The following SLC30A7 variants were observed in gnomAD, a reference collection of about 807,000 sequenced individuals.
SLC30A7 encodes the protein zinc transporter 7.
In SLC30A7, 35 loss-of-function variants were observed where a neutral mutation model predicts 46.0. The observed-to-expected ratio is 0.76, with a 90% CI of 0.58 to 1.01. SLC30A7 has a LOEUF of 1.01. Ranked by LOEUF, SLC30A7 falls within the 50% of genes least tolerant of loss-of-function variation. The pLI is 0.00. For missense variants in SLC30A7, 464 were observed against 451.1 expected (o/e 1.03, Z -0.26); for synonymous variants, 147 against 157.8 (o/e 0.93, Z 0.51).
chr1:100,962,393 C>G (rs1655595779), intron 9 of SLC30A7, among the ~76,000 whole-genome samples: 1 of 152,160 alleles, frequency 6.6e-6, no homozygotes, highest in African/African-American at 2.4e-5. Context: ...TCATGGATGG[C>G]TACCTTAGAT....
At chr1:100,918,525 A>G (rs536087439) in intron 7 of SLC30A7, among the ~76,000 whole-genome samples, 1 of 152,254 alleles carries the variant, frequency 6.6e-6, no homozygotes, top group Non-Finnish European at 1.5e-5. Context: ...GACTATAAAC[A>G]TTGTATAGAT....
At chr1:100,935,778 G>T (rs902011728) in intron 8 of SLC30A7, among the ~76,000 whole-genome samples, 1 of 152,132 alleles carries the variant, frequency 6.6e-6, no homozygotes. Context: ...GTTTGACAAA[G>T]GTTTCTTGGG....
At chr1:100,985,179 T>C (rs1657196869), downstream of SLC30A7, among the ~76,000 whole-genome samples, 2 of 152,292 alleles carry the variant, frequency 1.3e-5, no homozygotes, top group East Asian at 3.9e-4. Flanking sequence ...CGGGAACCTG[T>C]TGGACAGTAA....
In SLC30A7 at chr1:100,915,192, CT is replaced by C. The variant is rs1288846952; in HGVS notation, c.655+1390del. The stretch of plus-strand genomic sequence containing the variant: ...TTTTCTTTTTTCTTTTCTTTTCTTT[CT>C]TTTCTTTCTTTCTTTCTTTCTTTCT... On this transcript the variant is annotated intron_variant, in intron 6 of 10. Coordinates refer to ENST00000357650, the MANE Select transcript of SLC30A7 (RefSeq NM_133496.5). Among the ~76,000 whole-genome samples the C allele has an allele frequency of 2.6e-4, 28 of 107,130 alleles. No individual in the cohort carries two copies. In the South Asian group the frequency reaches 6.7e-3, roughly 26 times the overall value. The allele number at this position is 107,130 out of a possible 152,430, so 70.3% of individuals were successfully genotyped here.
In SLC30A7 at chr1:100,900,175, G is replaced by A. The variant is rs115898190; in HGVS notation, c.182+3504G>A. Among the ~76,000 whole-genome samples the A allele has an allele frequency of 6.5e-3, 990 of 152,238 alleles. 17 individuals are homozygous for A. Among genetic ancestry groups the A allele is most frequent in the African/African-American group, 0.021 (861 of 41,542 alleles). On this transcript the variant is annotated intron_variant, in intron 2 of 10. Coordinates refer to ENST00000357650, the MANE Select transcript of SLC30A7 (RefSeq NM_133496.5). ...TGGTTTTTTCTAGTATCTCAATATA[G>A]TTTCTGTGTTTTTATGTTCTTACAT...
Position 100,911,207 on chromosome 1 carries a change from T to C in SLC30A7, c.384+57T>C, listed in dbSNP as rs1553235943. On this transcript the variant is annotated intron_variant, in intron 4 of 10. Transcript: ENST00000357650. ...TACATTTCTGTAATGAAAATGTTTA[T>C]TAATTAAAGATATATGTAAGTTTTT... 9 of 1,214,422 alleles carry C rather than the reference T, an allele frequency of 7.4e-6. No homozygotes were observed. The South Asian group carries it at 1.1e-4, about 15-fold the overall frequency. 75.2% of individuals were successfully genotyped at this position (1,214,422 alleles called of 1,614,324 possible).
chr1:100,940,731 CA>C, intron 8 of SLC30A7, among the ~76,000 whole-genome samples: 1 of 152,122 alleles, frequency 6.6e-6, no homozygotes, highest in Non-Finnish European at 1.5e-5. Flanking sequence ...AGCATGGATG[CA>C]AAAAATAAAA....
At chr1:100,934,586 TA>T (rs1214403502) in intron 8 of SLC30A7, among the ~76,000 whole-genome samples, 1 of 151,760 alleles carries the variant, frequency 6.6e-6, no homozygotes, top group Non-Finnish European at 1.5e-5. Flanking sequence ...AGAAACTATT[TA>T]AACTATCTCT....
At chr1:100,926,369 T>C (rs1461766270) in intron 8 of SLC30A7, among the ~76,000 whole-genome samples, 11 of 152,108 alleles carry the variant, frequency 7.2e-5, no homozygotes, top group Admixed American at 7.2e-4. Flanking sequence ...GCTTAGCTCC[T>C]GGGGAGGCCT....
rs1460680080 is a variant in SLC30A7 at position 100,979,399 on chromosome 1, T to A, written c.*4542T>A. The A allele has an allele frequency of 1.7e-5, 2 of 119,370 alleles. No homozygotes were observed. The highest frequency in any genetic ancestry group is 3.3e-5 in the Non-Finnish European group (2 of 61,290). 7.4% of individuals were successfully genotyped at this position (119,370 alleles called of 1,614,324 possible). A position where few individuals can be genotyped will look rare whatever the true frequency, so the allele number is the denominator to read the frequency against. On this transcript the variant is annotated 3_prime_UTR_variant, in exon 11 of 11. Coordinates refer to ENST00000357650, the MANE Select transcript of SLC30A7 (RefSeq NM_133496.5). ...AGTGACCCAGATCTCAACCAGAGAC[T>A]CAAGATAGCCTCAAATACAGTGAAA...
intron 8 of SLC30A7, among the ~76,000 whole-genome samples, chr1:100,925,446 A>C (rs1270034092): frequency 6.6e-6 from 1 of 152,252 alleles, no homozygotes; most frequent in Non-Finnish European, 1.5e-5. Context: ...GAGAACAGGC[A>C]GACCAGCTAG....
intron 10 of SLC30A7, among the ~76,000 whole-genome samples, chr1:100,971,488 C>T (rs1035828606): frequency 6.6e-6 from 1 of 152,046 alleles, no homozygotes; most frequent in Non-Finnish European, 1.5e-5. Context: ...GGTTGTGAGG[C>T]CAACAGATCC....
rs202081533 is a variant in SLC30A7, at chr1:100,896,557, G to T, written c.81-13G>T. Reference sequence around the variant, plus strand: ...TAACTCTCCCGGCTCTTTTCCACGTGTATCATTCCCAGGTCTATACTGTCC... The same window carrying T: ...TAACTCTCCCGGCTCTTTTCCACGTTTATCATTCCCAGGTCTATACTGTCC... On this transcript the variant is annotated splice_polypyrimidine_tract_variant and intron_variant, in intron 1 of 10. Coordinates refer to ENST00000357650, the MANE Select transcript of SLC30A7 (RefSeq NM_133496.5). The T allele has an allele frequency of 1.2e-6, 2 of 1,611,434 alleles. No homozygotes were observed. Among genetic ancestry groups the T allele is most frequent in the Admixed American group, 1.7e-5 (1 of 59,994 alleles).
chr1:100,940,365 C>T (rs1258840823), intron 8 of SLC30A7, among the ~76,000 whole-genome samples: 1 of 152,094 alleles, frequency 6.6e-6, no homozygotes, highest in African/African-American at 2.4e-5. Flanking sequence ...TAAGGGGTAG[C>T]TGTGGCTCAA....
At chr1:100,992,718 G>A in the SLC30A7 span, 4 of 1,613,096 alleles carry the variant, frequency 2.5e-6, no homozygotes, top group African/African-American at 1.3e-5. Context: ...ATATACCGTG[G>A]AGGTTCATAG....
intron 7 of SLC30A7, among the ~76,000 whole-genome samples, chr1:100,920,316 T>C (rs1202809192): frequency 1.3e-5 from 2 of 152,010 alleles, no homozygotes; most frequent in African/African-American, 4.8e-5. Context: ...GTATTTTTTT[T>C]CCAGTTGTAG....
At chr1:100,919,892 A>G (rs1652833090) in intron 7 of SLC30A7, among the ~76,000 whole-genome samples, 2 of 152,108 alleles carry the variant, frequency 1.3e-5, no homozygotes, top group Non-Finnish European at 2.9e-5. Flanking sequence ...TATATGCTAC[A>G]TCTTGACTCC....
intron 10 of SLC30A7, among the ~76,000 whole-genome samples, chr1:100,971,412 TTCA>T (rs1434420173): frequency 6.6e-6 from 1 of 152,190 alleles, no homozygotes; most frequent in African/African-American, 2.4e-5. Flanking sequence ...ATTATCTTTC[TTCA>T]TCATTTGTAT....
chr1:100,935,266 T>C (rs1022837071), intron 8 of SLC30A7, among the ~76,000 whole-genome samples: 1 of 152,258 alleles, frequency 6.6e-6, no homozygotes, highest in African/African-American at 2.4e-5. Flanking sequence ...ATGACAACCG[T>C]CTTTTGACTG....
Sources: allele counts gnomAD v4.1 joint callset (sites outside exome capture counted in the v4.1 genomes callset), GRCh38; gene constraint gnomAD v4.1.1; transcripts MANE v1.5; gene names NCBI Gene and HGNC (gene_info 2026-07-23, HGNC 2026-07-21).